The following MBTPS1 variants were observed in gnomAD, a reference collection of about 807,000 sequenced individuals.
MBTPS1 encodes membrane-bound transcription factor site-1 protease.
Under a neutral mutation model 127.8 loss-of-function variants are expected in MBTPS1, and 94 were observed. The ratio of observed to expected loss-of-function variants is 0.74; its 90% CI spans 0.62 to 0.87. MBTPS1 has a LOEUF of 0.87. Among genes scored for constraint, MBTPS1 ranks in the 40% least tolerant of loss-of-function variants. The pLI is 0.00. For synonymous variants in MBTPS1, 632 were observed against 509.4 expected, an observed-to-expected ratio of 1.24 and a Z score of -3.24; for missense variants, 1,636 against 1,353.2, an observed-to-expected ratio of 1.21 and a Z score of -3.28.
chr16:84,100,996 A>G (rs1182498756), intron 2 of MBTPS1, among the ~76,000 whole-genome samples: 2 of 143,634 alleles, frequency 1.4e-5, no homozygotes, highest in East Asian at 4.0e-4. Flanking sequence ...TCTACTAAAA[A>G]TACAAAAAAA....
chr16:84,064,974 A>G (rs1227542158), intron 18 of MBTPS1, among the ~76,000 whole-genome samples: 1 of 152,246 alleles, frequency 6.6e-6, no homozygotes, highest in Non-Finnish European at 1.5e-5. Flanking sequence ...GGGGCCTCTC[A>G]TTCTGAAATA....
intron 3 of MBTPS1, among the ~76,000 whole-genome samples, chr16:84,097,930 A>G (rs972566589): frequency 9.2e-5 from 14 of 152,068 alleles, no homozygotes; most frequent in African/African-American, 3.4e-4. Flanking sequence ...AATATGATAG[A>G]CAAAGAAGAG....
rs960219074 is a variant in MBTPS1 at position 84,070,874 on chromosome 16, G to C, written c.1594-98C>G. 8.1e-6 allele frequency: 7 copies of C among 859,426 alleles called. No individual in the cohort carries two copies. In the East Asian group the frequency reaches 1.6e-4, roughly 19 times the overall value. The allele number at this position is 859,426 out of a possible 1,614,324, so 53.2% of individuals were successfully genotyped here. On this transcript the variant is annotated intron_variant, in intron 12 of 22. Coordinates refer to ENST00000343411, the MANE Select transcript of MBTPS1 (RefSeq NM_003791.4). ...CTCAATTCTTACCAAAACTGGTTCCGAGAAATACTTCACTAAATAGGGAAA... is the reference window on the plus strand; with the variant it reads ...CTCAATTCTTACCAAAACTGGTTCCCAGAAATACTTCACTAAATAGGGAAA...
intron 1 of MBTPS1, among the ~76,000 whole-genome samples, chr16:84,103,052 T>C (rs2086278780): frequency 6.6e-6 from 1 of 152,172 alleles, no homozygotes; most frequent in Non-Finnish European, 1.5e-5. Context: ...ACAGATATCT[T>C]CCAAAACATC....
At chr16:84,091,063 T>C (rs1320322911) in intron 7 of MBTPS1, 121 bp from the exon 8 acceptor site, 1 of 774,580 alleles carries the variant, frequency 1.3e-6, no homozygotes, top group Admixed American at 2.4e-5. Flanking sequence ...CACTGGCCCA[T>C]TATAAAGGCG....
rs747271472 is a variant in MBTPS1, at chr16:84,070,652, G to A, written c.1718C>T (p.Ala573Val). ...GCCCTGAGCAATGCCTTCCCAGGAAGCCGCTTTCTTGGTCACAGAAATGGA... is the reference window on the plus strand; with the variant it reads ...GCCCTGAGCAATGCCTTCCCAGGAAACCGCTTTCTTGGTCACAGAAATGGA... ...AISISVTKKA[A>V]SWEGIAQGHV... is the part of the protein sequence containing the mutation. The change falls in exon 13 of 23, where the codon GCT becomes GTT. Residue 573 changes from alanine (A) to valine (V), a missense_variant. Coordinates refer to ENST00000343411, the MANE Select transcript of MBTPS1 (RefSeq NM_003791.4). The A allele has an allele frequency of 1.6e-5, 26 of 1,613,826 alleles. 1 individual carries two copies. The highest frequency in any genetic ancestry group is 2.1e-5 in the Non-Finnish European group (25 of 1,179,962).
In MBTPS1 at chr16:84,059,351, G is replaced by C. The variant is rs1464740073; in HGVS notation, c.2782C>G (p.Pro928Ala). The C allele has an allele frequency of 1.9e-6, 3 of 1,614,058 alleles. No individual in the cohort carries two copies. Among genetic ancestry groups the C allele is most frequent in the African/African-American group, 1.3e-5 (1 of 74,930 alleles). ...TGTGGCTTGGCCCAAGACAAGCGTG[G>C]ACAGGCTGGTAGAGGCCGAGGTTTT... ...DPKPRPLPAC[P>A]RLSWAKPQPL... The change falls in exon 21 of 23, where the codon CCA becomes GCA. Residue 928 changes from proline to alanine, a missense_variant. By Grantham distance (27) the Pro-to-Ala change is conservative. Coordinates refer to ENST00000343411, the MANE Select transcript of MBTPS1 (RefSeq NM_003791.4).
At chr16:84,079,698 C>A (rs1337640865) in intron 11 of MBTPS1, among the ~76,000 whole-genome samples, 2 of 152,154 alleles carry the variant, frequency 1.3e-5, no homozygotes, top group African/African-American at 2.4e-5. Flanking sequence ...GGTAACATGA[C>A]CATCTCTGTA....
At chr16:84,093,648 T>C in intron 5 of MBTPS1, 63 bp downstream of exon 5, 1 of 1,103,764 alleles carries the variant, frequency 9.1e-7, no homozygotes, top group Non-Finnish European at 1.4e-6. Flanking sequence ...GACTGTGGAA[T>C]CATGCACTAA....
At chr16:84,108,587 G>T (rs568441858) in intron 1 of MBTPS1, among the ~76,000 whole-genome samples, 1 of 152,336 alleles carries the variant, frequency 6.6e-6, no homozygotes, top group East Asian at 1.9e-4. Flanking sequence ...ACTTTCTAAA[G>T]AGTGCTAACT....
chr16:84,085,573 C>CG (rs1383690570), intron 9 of MBTPS1, among the ~76,000 whole-genome samples: 1 of 91,430 alleles, frequency 1.1e-5, no homozygotes, highest in South Asian at 4.8e-4. Flanking sequence ...CCGCACCCGC[C>CG]CCCCCCCCAA....
intron 10 of MBTPS1, among the ~76,000 whole-genome samples, chr16:84,083,164 T>G (rs1597328698): frequency 6.6e-6 from 1 of 152,210 alleles, no homozygotes. Context: ...ACCAGTATTT[T>G]CTGTTTCCAG....
chr16:84,090,376 C>T (rs1018489051), intron 8 of MBTPS1, among the ~76,000 whole-genome samples: 3 of 152,200 alleles, frequency 2.0e-5, no homozygotes, highest in Non-Finnish European at 4.4e-5. Flanking sequence ...TCCCTCTCAT[C>T]AACTCCCAAA....
intron 10 of MBTPS1, among the ~76,000 whole-genome samples, chr16:84,083,013 A>G (rs1017589232): frequency 1.3e-4 from 20 of 152,264 alleles, no homozygotes; most frequent in African/African-American, 4.3e-4. Flanking sequence ...GTTGCTGAAA[A>G]TATCTGTACT....
intron 18 of MBTPS1, among the ~76,000 whole-genome samples, chr16:84,064,610 C>T (rs1329102573): frequency 6.6e-6 from 1 of 152,114 alleles, no homozygotes; most frequent in African/African-American, 2.4e-5. Flanking sequence ...CAAGGATCTC[C>T]CAGAGGGTAC....
At chr16:84,055,095 C>T (rs925480255) in intron 22 of MBTPS1, among the ~76,000 whole-genome samples, 2 of 152,220 alleles carry the variant, frequency 1.3e-5, no homozygotes, top group Non-Finnish European at 2.9e-5. Flanking sequence ...GCTGGCAGTG[C>T]CCCGCCTCTG....
At chr16:84,065,479 G>A (rs1472448251) in intron 18 of MBTPS1, among the ~76,000 whole-genome samples, 1 of 152,142 alleles carries the variant, frequency 6.6e-6, no homozygotes, top group African/African-American at 2.4e-5. Context: ...AATTGTTCTG[G>A]AAGTAGACAA....
intron 2 of MBTPS1, among the ~76,000 whole-genome samples, chr16:84,100,484 C>T (rs1277222634): frequency 1.3e-5 from 2 of 151,676 alleles, no homozygotes; most frequent in Admixed American, 1.3e-4. Flanking sequence ...GTGGAGGTTG[C>T]GGTGAGCTGA....
intron 6 of MBTPS1, among the ~76,000 whole-genome samples, chr16:84,092,203 G>C (rs906223028): frequency 6.6e-6 from 1 of 152,136 alleles, no homozygotes; most frequent in Non-Finnish European, 1.5e-5. Flanking sequence ...CTTCTATTAA[G>C]TTAAGCATTT....
Sources: allele counts gnomAD v4.1 joint callset (sites outside exome capture counted in the v4.1 genomes callset), GRCh38; gene constraint gnomAD v4.1.1; transcripts MANE v1.5; gene names NCBI Gene and HGNC (gene_info 2026-07-23, HGNC 2026-07-21).